Variants in GLMN observed in about 807,000 individuals in gnomAD.
GLMN encodes the protein glomulin, FKBP associated protein, also known as glomulin.
A neutral mutation model predicts 87.8 loss-of-function variants in GLMN; 75 were observed. The observed-to-expected ratio is 0.85, with a 90% CI of 0.71 to 1.04. GLMN has a LOEUF of 1.04. Among genes scored for constraint, GLMN ranks in the 50% least tolerant of loss-of-function variants. The pLI, the probability that GLMN is intolerant of heterozygous loss-of-function variation, is 0.00. For missense variants in GLMN, 588 were observed against 658.8 expected (o/e 0.89, Z 1.18); for synonymous variants, 206 against 221.6 (o/e 0.93, Z 0.63).
intron 7 of GLMN, among the ~76,000 whole-genome samples, chr1:92,285,656 C>G (rs977563638): frequency 6.6e-6 from 1 of 152,068 alleles, no homozygotes; most frequent in Non-Finnish European, 1.5e-5. Flanking sequence ...TCCCTTGCCC[C>G]CCTCTTGCTC....
chr1:92,264,698 T>C (rs1348941075), intron 13 of GLMN, 60 bp from the exon 14 acceptor site: 1 of 934,250 alleles, frequency 1.1e-6, no homozygotes, highest in Admixed American at 1.7e-5. Context: ...AATTAAATGG[T>C]GATAAAAGTT....
At chr1:92,248,197 C>A (rs1352635970) in intron 16 of GLMN, 2 of 467,990 alleles carry the variant, frequency 4.3e-6, no homozygotes, top group Non-Finnish European at 3.8e-6. Flanking sequence ...CTTATCACTG[C>A]ACCATTTGGA....
chr1:92,352,879 C>A, the GLMN span, among the ~76,000 whole-genome samples: 11 of 152,284 alleles, frequency 7.2e-5, no homozygotes, highest in South Asian at 2.3e-3. Context: ...AGTCCTCTGG[C>A]AACCATAAAT....
the GLMN span, among the ~76,000 whole-genome samples, chr1:92,310,017 C>T: frequency 3.3e-5 from 5 of 152,088 alleles, no homozygotes; most frequent in African/African-American, 1.2e-4. Flanking sequence ...TTAATCCAAC[C>T]CCTTCATTAA....
At chr1:92,354,317 G>A in the GLMN span, among the ~76,000 whole-genome samples, 1 of 151,998 alleles carries the variant, frequency 6.6e-6, no homozygotes, top group Non-Finnish European at 1.5e-5. Flanking sequence ...CAATCTTAGA[G>A]TATTGAAAAA....
intron 16 of GLMN, among the ~76,000 whole-genome samples, chr1:92,253,472 G>A (rs1178464085): frequency 6.6e-6 from 1 of 152,200 alleles, no homozygotes; most frequent in East Asian, 1.9e-4. Flanking sequence ...CTTCCTGATA[G>A]GGAGACACCT....
chr1:92,343,023 A>G, the GLMN span, among the ~76,000 whole-genome samples: 1 of 152,326 alleles, frequency 6.6e-6, no homozygotes, highest in Non-Finnish European at 1.5e-5. Flanking sequence ...AGTTGTCAGC[A>G]TATAGTTTCT....
rs577876307 is a variant in GLMN, at chr1:92,255,949, C to CA, written c.1473+6913dup. Among the ~76,000 whole-genome samples, 80 of 151,902 alleles carry CA rather than the reference C, an allele frequency of 5.3e-4. 1 individual carries two copies. The South Asian group carries it at 0.016, about 31-fold the overall frequency. On this transcript the variant is annotated intron_variant, in intron 16 of 18. Transcript: ENST00000370360. ...GGAGATAGAGACGCAAAAAACCCTT[C>CA]AAAAAAAATCAGTGAATCCAGAAGC...
the GLMN span, among the ~76,000 whole-genome samples, chr1:92,306,850 CAAT>C: frequency 2.0e-5 from 3 of 151,960 alleles, no homozygotes; most frequent in African/African-American, 7.3e-5. Context: ...GAATGTATAA[CAAT>C]ATTATTCCAT....
chr1:92,350,629 A>G, the GLMN span, among the ~76,000 whole-genome samples: 1 of 152,236 alleles, frequency 6.6e-6, no homozygotes. Context: ...ATAAAAATGT[A>G]TATAAGTATA....
At chr1:92,303,727 C>A (rs1651021444), upstream of GLMN, among the ~76,000 whole-genome samples, 1 of 152,182 alleles carries the variant, frequency 6.6e-6, no homozygotes, top group African/African-American at 2.4e-5. Context: ...ACTATATAAT[C>A]TACAAAGATG....
chr1:92,369,184 T>G, the GLMN span, among the ~76,000 whole-genome samples: 1 of 152,240 alleles, frequency 6.6e-6, no homozygotes, highest in Non-Finnish European at 1.5e-5. Context: ...AATAAGTATT[T>G]CCTGCATAAA....
the GLMN span, among the ~76,000 whole-genome samples, chr1:92,328,551 T>C: frequency 6.6e-6 from 1 of 152,206 alleles, no homozygotes; most frequent in African/African-American, 2.4e-5. Context: ...ATTCATATCC[T>C]GTATGATTTG....
rs1409862342 is a variant in GLMN, at chr1:92,263,725, C to T, written c.1307G>A (p.Arg436His). Residue 436 changes from arginine (R) to histidine (H), a missense_variant, in exon 15 of 19, where the codon CGT (arginine) becomes CAT (histidine). Arg to His is a conservative substitution (Grantham distance 29, BLOSUM62 0). Transcript: ENST00000370360. ...TGGTCCTGTAAACCATTTGTTGTTA[C>T]GTGTTCTCTGAAAAGCAAACGAAAA... Reference protein sequence around the residue: ...NQIDMSLKRTRNNKWFTGPQL... With the variant: ...NQIDMSLKRTHNNKWFTGPQL... 37 of 1,551,128 alleles carry T rather than the reference C, an allele frequency of 2.4e-5. No homozygotes were observed. The Middle Eastern group carries it at 5.0e-4, about 21-fold the overall frequency.
At chr1:92,292,732 CTT>C (rs1177905555) in intron 3 of GLMN, among the ~76,000 whole-genome samples, 35 of 119,668 alleles carry the variant, frequency 2.9e-4, no homozygotes, top group Admixed American at 5.7e-4. Context: ...CTTTTCTTTT[CTT>C]TTTTTTTTTT....
intron 16 of GLMN, among the ~76,000 whole-genome samples, chr1:92,250,942 A>C (rs1653400993): frequency 6.6e-6 from 1 of 152,202 alleles, no homozygotes; most frequent in Non-Finnish European, 1.5e-5. Flanking sequence ...TGCTGTAAAG[A>C]TATTCCCATG....
At chr1:92,277,736 G>T (rs146567311) in intron 7 of GLMN, among the ~76,000 whole-genome samples, 1 of 152,274 alleles carries the variant, frequency 6.6e-6, no homozygotes, top group Non-Finnish European at 1.5e-5. Flanking sequence ...TCCAGGCAGG[G>T]TATGGAAACT....
the GLMN span, among the ~76,000 whole-genome samples, chr1:92,343,065 A>G: frequency 2.0e-5 from 3 of 152,226 alleles, no homozygotes; most frequent in Non-Finnish European, 4.4e-5. Context: ...GGATAACATC[A>G]CCAAGGGAAA....
intron 3 of GLMN, among the ~76,000 whole-genome samples, chr1:92,294,119 AAC>A (rs1288165279): frequency 6.6e-6 from 1 of 152,214 alleles, no homozygotes; most frequent in African/African-American, 2.4e-5. Context: ...GTTTGTTTGT[AAC>A]ACAGAGGATA....
Sources: allele counts gnomAD v4.1 joint callset (sites outside exome capture counted in the v4.1 genomes callset), GRCh38; gene constraint gnomAD v4.1.1; transcripts MANE v1.5; gene names NCBI Gene and HGNC (gene_info 2026-07-23, HGNC 2026-07-21).